RYR3: variants seen among roughly 807,000 people sequenced by gnomAD.
The protein encoded by RYR3 is ryanodine receptor 3, also known as brain ryanodine receptor-calcium release channel.
Under a neutral mutation model 584.3 loss-of-function variants are expected in RYR3, and 207 were observed. That is an observed-to-expected ratio of 0.35 (90% CI 0.32 to 0.40). RYR3 has a LOEUF of 0.40. Ranked by LOEUF, RYR3 falls within the 10% of genes least tolerant of loss-of-function variation. The pLI is 1.00. For missense variants in RYR3, 5,616 were observed against 6,089.2 expected (o/e 0.92, Z 2.59); for synonymous variants, 2,416 against 2,248.5 (o/e 1.07, Z -2.11).
rs530546057 is a variant in RYR3 at position 33,862,672 on chromosome 15, G to A, written c.14466-1466G>A. On this transcript the variant is annotated intron_variant, in intron 102 of 103. Transcript: ENST00000634891. The stretch of plus-strand genomic sequence containing the variant: ...GTCACCCAGGCTGAAGTGCAGTGGC[G>A]CCATCTTGGCTCACTGTAGCCTCCA... Among the ~76,000 whole-genome samples the A allele has an allele frequency of 1.1e-4, 16 of 151,856 alleles. No individual in the cohort carries two copies. The South Asian group carries it at 2.5e-3, about 24-fold the overall frequency.
chr15:33,521,637 CTT>C, intron 3 of RYR3, among the ~76,000 whole-genome samples: 1 of 152,208 alleles, frequency 6.6e-6, no homozygotes, highest in South Asian at 2.1e-4. Context: ...GTATTCTTCT[CTT>C]TTGTCCTGTG....
At chr15:33,625,866 G>A (rs531361984) in intron 20 of RYR3, among the ~76,000 whole-genome samples, 1 of 152,290 alleles carries the variant, frequency 6.6e-6, no homozygotes, top group South Asian at 2.1e-4. Context: ...TTCTTTTGGG[G>A]GGCTCTTTTT....
At chr15:33,487,034 C>T (rs1465078586) in intron 2 of RYR3, among the ~76,000 whole-genome samples, 1 of 152,014 alleles carries the variant, frequency 6.6e-6, no homozygotes, top group African/African-American at 2.4e-5. Context: ...CCCATACCTA[C>T]TAAAAATACA....
chr15:33,825,686 T>C lies in RYR3; in HGVS notation c.11146+10T>C, dbSNP rs1408714670. 6.9e-7 allele frequency: 1 copy of C among 1,452,884 alleles called. No individual in the cohort carries two copies. Among genetic ancestry groups the C allele is most frequent in the East Asian group, 2.3e-5 (1 of 43,254 alleles). 90.0% of individuals were successfully genotyped at this position (1,452,884 alleles called of 1,614,324 possible). A position where few individuals can be genotyped will look rare whatever the true frequency, so the allele number is the denominator to read the frequency against. Reference sequence around the variant, plus strand: ...ACTGAAGAAGGAACACGTAAGTAACTAATGAATGTGAAGGCCATTCTCTTC... The same window carrying C: ...ACTGAAGAAGGAACACGTAAGTAACCAATGAATGTGAAGGCCATTCTCTTC... On this transcript the variant is annotated intron_variant, in intron 82 of 103. Transcript: ENST00000634891.
chr15:33,480,985 G>T (rs959145156), intron 2 of RYR3, among the ~76,000 whole-genome samples: 4 of 152,148 alleles, frequency 2.6e-5, no homozygotes, highest in Non-Finnish European at 4.4e-5. Flanking sequence ...TTTGTTTCAT[G>T]TATGTTAAAG....
intron 31 of RYR3, among the ~76,000 whole-genome samples, chr15:33,649,440 G>A (rs565712410): frequency 1.2e-4 from 19 of 152,322 alleles, no homozygotes; most frequent in Admixed American, 3.9e-4. Context: ...TTCATCATGT[G>A]TATAAATCGT....
At chr15:33,837,232 C>T (rs116948070) in intron 88 of RYR3, among the ~76,000 whole-genome samples, 3 of 152,206 alleles carry the variant, frequency 2.0e-5, no homozygotes. Flanking sequence ...CCAAGCTTTG[C>T]TCTTCCCTAT....
At chr15:33,664,612 T>TATATATATATATATATATATATAC in intron 36 of RYR3, among the ~76,000 whole-genome samples, 1 of 141,982 alleles carries the variant, frequency 7.0e-6, no homozygotes, top group East Asian at 2.0e-4. Flanking sequence ...TATATATATA[T>TATATATATATATATATATATATAC]ATACGTATGT....
At chr15:33,415,765 T>C (rs1017877471) in intron 1 of RYR3, among the ~76,000 whole-genome samples, 5 of 152,224 alleles carry the variant, frequency 3.3e-5, no homozygotes, top group Non-Finnish European at 7.3e-5. Flanking sequence ...CTTGGGTATA[T>C]TGTGTGATGC....
chr15:33,781,857 AAAG>A (rs199856505), intron 65 of RYR3, among the ~76,000 whole-genome samples: 16 of 142,790 alleles, frequency 1.1e-4, no homozygotes, highest in Non-Finnish European at 1.8e-4. Context: ...AAAAAAAAAA[AAAG>A]GGGGGGGGGA....
At chr15:33,570,322 C>T (rs968671795) in intron 12 of RYR3, among the ~76,000 whole-genome samples, 1 of 152,116 alleles carries the variant, frequency 6.6e-6, no homozygotes, top group Non-Finnish European at 1.5e-5. Flanking sequence ...TTCCCCTGCA[C>T]AGTTTTCTGG....
intron 37 of RYR3, 27 bp downstream of exon 37, chr15:33,669,483 C>T: frequency 1.3e-6 from 2 of 1,591,386 alleles, no homozygotes; most frequent in Non-Finnish European, 8.6e-7. Context: ...AAGGCTTTGT[C>T]CTTTTTTTAC....
intron 38 of RYR3, among the ~76,000 whole-genome samples, chr15:33,671,705 C>A (rs1033091136): frequency 1.3e-5 from 2 of 151,776 alleles, no homozygotes; most frequent in African/African-American, 4.8e-5. Context: ...TGGTTACCGC[C>A]AAAGGAGAAC....
At chr15:33,650,585 C>T (rs1483351167) in intron 31 of RYR3, among the ~76,000 whole-genome samples, 1 of 152,118 alleles carries the variant, frequency 6.6e-6, no homozygotes, top group Non-Finnish European at 1.5e-5. Flanking sequence ...AACTCAGGCA[C>T]TCAGTAAATA....
At chr15:33,624,813 A>G (rs547897851) in intron 20 of RYR3, among the ~76,000 whole-genome samples, 9 of 152,358 alleles carry the variant, frequency 5.9e-5, no homozygotes, top group African/African-American at 1.9e-4. Flanking sequence ...TATAGAAAAT[A>G]AATGAAAAGA....
chr15:33,813,148 G>T (rs1337824811), intron 73 of RYR3, among the ~76,000 whole-genome samples, 154 bp downstream of exon 73: 2 of 152,158 alleles, frequency 1.3e-5, no homozygotes, highest in Non-Finnish European at 2.9e-5. Flanking sequence ...GTGCCATCTC[G>T]ATGCCCTGTG....
At chr15:33,861,373 C>A (rs1432295892) in intron 102 of RYR3, among the ~76,000 whole-genome samples, 195 bp downstream of exon 102, 3 of 152,020 alleles carry the variant, frequency 2.0e-5, no homozygotes, top group Admixed American at 6.5e-5. Context: ...ATTCCCGCTC[C>A]TAGCAAAAGG....
At chr15:33,449,983 A>G (rs2046974861) in intron 1 of RYR3, among the ~76,000 whole-genome samples, 1 of 150,220 alleles carries the variant, frequency 6.7e-6, no homozygotes, top group African/African-American at 2.4e-5. Context: ...ATTACTGCTT[A>G]GTGGCAGCCC....
chr15:33,352,712 A>G (rs1447009546), intron 1 of RYR3, among the ~76,000 whole-genome samples: 1 of 152,194 alleles, frequency 6.6e-6, no homozygotes, highest in Admixed American at 6.5e-5. Context: ...TTTTACTGGG[A>G]AAGTATTTGA....
Sources: gnomAD v4.1 joint callset for allele counts (sites outside exome capture counted in the v4.1 genomes callset) on GRCh38, gnomAD v4.1.1 for gene constraint, MANE v1.5 for transcripts, NCBI Gene and HGNC (gene_info 2026-07-23, HGNC 2026-07-21) for gene names.